The following HPS4 variants were observed in gnomAD, a reference collection of about 807,000 sequenced individuals.
The protein encoded by HPS4 is BLOC-3 complex member HPS4.
Under a neutral mutation model 70.3 loss-of-function variants are expected in HPS4, and 44 were observed. That is an observed-to-expected ratio of 0.63 (90% confidence interval 0.49 to 0.80). The LOEUF (loss-of-function observed/expected upper bound fraction) is 0.80, where lower values mean the gene tolerates loss of function less well. Ranked by LOEUF, HPS4 falls within the 30% of genes least tolerant of loss-of-function variation. The pLI is 0.00. For missense variants in HPS4, 873 were observed against 884.4 expected (o/e 0.99, Z 0.16); for synonymous variants, 377 against 355.9 (o/e 1.06, Z -0.67).
intron 4 of HPS4, among the ~76,000 whole-genome samples, chr22:26,473,996 T>G (rs1277145880): frequency 1.3e-5 from 2 of 152,232 alleles, no homozygotes; most frequent in Non-Finnish European, 2.9e-5. Flanking sequence ...GTCTGGCATG[T>G]AAGAAGTGTT....
chr22:26,478,794 G>A (rs186875858), intron 3 of HPS4, among the ~76,000 whole-genome samples: 15 of 151,820 alleles, frequency 9.9e-5, no homozygotes, highest in South Asian at 2.1e-4. Context: ...AGCGATTCTC[G>A]TGCCTCAGCC....
At chr22:26,466,548 C>T in intron 8 of HPS4, 1 of 547,200 alleles carries the variant, frequency 1.8e-6, no homozygotes, top group South Asian at 2.0e-5. Context: ...GTCTCTCTCC[C>T]TTCTGGGAAT....
intron 11 of HPS4, among the ~76,000 whole-genome samples, chr22:26,463,640 C>T (rs371229380): frequency 1.3e-5 from 2 of 152,222 alleles, no homozygotes; most frequent in African/African-American, 2.4e-5. Flanking sequence ...CCAAGGCCTG[C>T]GCTCTGCAAA....
At chr22:26,445,221 C>A (rs12163047) in intron 3 of HPS4, among the ~76,000 whole-genome samples, 7 of 152,230 alleles carry the variant, frequency 4.6e-5, no homozygotes, top group Non-Finnish European at 8.8e-5. Context: ...GTAGTCCCAG[C>A]TATTTGAGAG....
rs1324126543 is a variant in HPS4, at chr22:26,458,456, C to G, written c.1835G>C (p.Ser612Thr). 6.2e-7 allele frequency: 1 copy of G among 1,614,056 alleles called. No homozygotes were observed. Among genetic ancestry groups the G allele is most frequent in the Non-Finnish European group, 8.5e-7 (1 of 1,180,040 alleles). ...TGGCTGGTTCTTACCCATCAGCAAG[C>G]TCTGAATGCGGTCGTAATGTGTGAA... ...YNFTHYDRIQ[S>T]LLMANLPQVA... Residue 612 changes from serine (S) to threonine (T), a missense_variant, in exon 12 of 14, where the codon AGC becomes ACC. Transcript: ENST00000398145.
At chr22:26,465,405 T>C (rs988657545) in intron 10 of HPS4, 50 bp downstream of exon 10, 31 of 1,324,058 alleles carry the variant, frequency 2.3e-5, no homozygotes, top group Non-Finnish European at 3.3e-5. Flanking sequence ...AATCACGCGA[T>C]GGGGTCCCTC....
At position 26,451,213 on chromosome 22, in the gene HPS4, G is replaced by A. The variant is rs554045554; in HGVS notation, c.*2020C>T. On this transcript the variant is annotated 3_prime_UTR_variant, in exon 14 of 14. Transcript: ENST00000398145. ...ATGCTGCTTGGCTGTCCGTCGCTTG[G>A]CCCGTACTCTGGGGGCGCTAATTTT... 3.9e-5 allele frequency among the ~76,000 whole-genome samples: 6 copies of A among 152,332 alleles called. No individual in the cohort carries two copies. The highest frequency in any genetic ancestry group is 1.2e-4 in the African/African-American group (5 of 41,588).
At position 26,472,530 on chromosome 22, in the gene HPS4, G is replaced by T. The variant is rs897837747; in HGVS notation, c.385-112C>A. The T allele has an allele frequency of 4.8e-6, 4 of 825,142 alleles. No individual in the cohort carries two copies. In the African/African-American group the frequency reaches 6.7e-5, roughly 14 times the overall value. 51.1% of individuals were successfully genotyped at this position (825,142 alleles called of 1,614,324 possible). On this transcript the variant is annotated intron_variant, in intron 5 of 13. Transcript: ENST00000398145. The stretch of plus-strand genomic sequence containing the variant: ...CCTCACACAGGAAACTGACCGGAAG[G>T]GAGGACCTGTTTTAAACCTATCCCA...
chr22:26,482,485 G>T (rs2091385893), intron 1 of HPS4, among the ~76,000 whole-genome samples: 1 of 152,204 alleles, frequency 6.6e-6, no homozygotes. Context: ...TGCTCTAGGT[G>T]TGGACAGCTA....
At chr22:26,478,463 C>A (rs773692403) in intron 3 of HPS4, among the ~76,000 whole-genome samples, 3 of 146,546 alleles carry the variant, frequency 2.0e-5, no homozygotes. Context: ...CCCAACTACT[C>A]GGGAGGTTGA....
At chr22:26,454,917 C>T (rs1454305577) in intron 13 of HPS4, among the ~76,000 whole-genome samples, 3 of 151,770 alleles carry the variant, frequency 2.0e-5, no homozygotes, top group South Asian at 2.1e-4. Context: ...AAAAAGTGGG[C>T]GAAGGATATG....
chr22:26,472,731 T>G, intron 5 of HPS4, 101 bp downstream of exon 5: 1 of 933,652 alleles, frequency 1.1e-6, no homozygotes, highest in South Asian at 1.3e-5. Flanking sequence ...CACAATGTGT[T>G]TATATGAAGT....
chr22:26,445,666 A>G (rs1330951288), intron 3 of HPS4, among the ~76,000 whole-genome samples: 1 of 152,206 alleles, frequency 6.6e-6, no homozygotes, highest in Non-Finnish European at 1.5e-5. Context: ...GGGTATGTGC[A>G]GTATCTGGCA....
At position 26,466,077 on chromosome 22, in the gene HPS4, T is replaced by C. The variant is rs776910756; in HGVS notation, c.706+149A>G. 5.1e-6 allele frequency: 8 copies of C among 1,574,948 alleles called. No individual in the cohort carries two copies. The Middle Eastern group carries it at 8.3e-4, about 164-fold the overall frequency. ...ATTAGGGTTCTGGTGGGTAACTCGATTCTTGAAGCTCCATAACATCCATTT... is the reference window on the plus strand; with the variant it reads ...ATTAGGGTTCTGGTGGGTAACTCGACTCTTGAAGCTCCATAACATCCATTT... On this transcript the variant is annotated intron_variant, in intron 9 of 13. Coordinates refer to ENST00000398145, the MANE Select transcript of HPS4 (RefSeq NM_022081.6).
intron 6 of HPS4, chr22:26,471,056 A>C: frequency 1.4e-6 from 1 of 695,634 alleles, no homozygotes. Flanking sequence ...AGAAGCTAGA[A>C]GGTGCAGCAA....
At chr22:26,464,853 GGGGC>G in intron 10 of HPS4, 27 bp from the exon 11 acceptor site, 1 of 1,571,086 alleles carries the variant, frequency 6.4e-7, no homozygotes, top group Non-Finnish European at 8.6e-7. Context: ...ATGTAAGGAA[GGGGC>G]ACGTTGACAG....
chr22:26,471,467 C>G (rs938341476), intron 6 of HPS4: 1 of 448,614 alleles, frequency 2.2e-6, no homozygotes, highest in Non-Finnish European at 4.5e-6. Context: ...CTTCCACCTG[C>G]CAGCTAGAAC....
chr22:26,468,945 C>T (rs1233818604), intron 7 of HPS4, among the ~76,000 whole-genome samples: 1 of 152,092 alleles, frequency 6.6e-6, no homozygotes, highest in Non-Finnish European at 1.5e-5. Context: ...GCCAGAATCC[C>T]AAAAAGTATG....
intron 7 of HPS4, among the ~76,000 whole-genome samples, chr22:26,469,708 A>T (rs940123624): frequency 4.1e-5 from 2 of 48,916 alleles, no homozygotes; most frequent in Non-Finnish European, 1.3e-4. Flanking sequence ...AAAAGAAAAA[A>T]AAATATATAT....
Sources: gnomAD v4.1 joint callset for allele counts (sites outside exome capture counted in the v4.1 genomes callset) on GRCh38, gnomAD v4.1.1 for gene constraint, MANE v1.5 for transcripts, NCBI Gene and HGNC (gene_info 2026-07-23, HGNC 2026-07-21) for gene names.